The following RERE variants were observed in gnomAD, a reference collection of about 807,000 sequenced individuals.
The protein encoded by RERE is arginine-glutamic acid dipeptide repeats, also known as arginine-glutamic acid dipeptide repeats protein.
RERE carries 40 observed loss-of-function variants against 146.1 expected under a neutral mutation model. The ratio of observed to expected loss-of-function variants is 0.27; its 90% CI spans 0.21 to 0.36. RERE has a LOEUF of 0.36. RERE is among the 10% of genes least tolerant of loss of function. The pLI, the probability that RERE is intolerant of heterozygous loss-of-function variation, is 1.00. For synonymous variants in RERE, 1,003 were observed against 866.0 expected (o/e 1.16, Z -2.78); for missense variants, 1,933 against 2,138.7 (o/e 0.90, Z 1.90).
chr1:8,417,196 A>C (rs1419535334), intron 12 of RERE, among the ~76,000 whole-genome samples: 2 of 152,212 alleles, frequency 1.3e-5, no homozygotes, highest in African/African-American at 4.8e-5. Context: ...CATATTGAAT[A>C]CTAGAATCAT....
chr1:8,598,903 A>G (rs894300528), intron 4 of RERE, among the ~76,000 whole-genome samples: 5 of 152,212 alleles, frequency 3.3e-5, no homozygotes, highest in Non-Finnish European at 5.9e-5. Flanking sequence ...ATGTAAATAT[A>G]CCACAGCACT....
chr1:8,757,090 C>CAAA lies in RERE; in HGVS notation c.-145+60067_-145+60069dup, dbSNP rs34237128. ...GGGCAACAAGAGCAAAACTCCATCT[C>CAAA]AAAAAAAAAAAAAAAAAAAAAGCAA... On this transcript the variant is annotated intron_variant, in intron 1 of 22. Coordinates refer to ENST00000400908, the MANE Select transcript of RERE (RefSeq NM_001042681.2). Among the ~76,000 whole-genome samples the CAAA allele has an allele frequency of 3.6e-3, 213 of 59,446 alleles. 2 individuals carry two copies. Among genetic ancestry groups the CAAA allele is most frequent in the African/African-American group, 0.013 (194 of 14,766 alleles). 39.0% of individuals were successfully genotyped at this position (59,446 alleles called of 152,430 possible).
intron 4 of RERE, among the ~76,000 whole-genome samples, chr1:8,565,947 GAGAA>G (rs1646147539): frequency 6.6e-6 from 1 of 152,138 alleles, no homozygotes; most frequent in African/African-American, 2.4e-5. Context: ...CTCTTCTCAG[GAGAA>G]AGAAAGGACT....
At chr1:8,507,544 G>A (rs1645269198) in intron 8 of RERE, among the ~76,000 whole-genome samples, 1 of 151,774 alleles carries the variant, frequency 6.6e-6, no homozygotes, top group Non-Finnish European at 1.5e-5. Flanking sequence ...GAGTAGCTGG[G>A]ATTACATGCG....
chr1:8,472,854 CTT>C (rs201311211), intron 10 of RERE, among the ~76,000 whole-genome samples: 1 of 142,126 alleles, frequency 7.0e-6, no homozygotes. Flanking sequence ...GGCAGTGGTG[CTT>C]TTTTTTTTTT....
Position 8,406,357 on chromosome 1 carries a change from T to C in RERE, c.1284+16370A>G, listed in dbSNP as rs533820711. ...AGAAGTGCTAAGATTATAGGCATGA[T>C]GCTGTCCCCAGTCAGATTAATATTT... On this transcript the variant is annotated intron_variant, in intron 12 of 22. Coordinates refer to ENST00000400908, the MANE Select transcript of RERE (RefSeq NM_001042681.2). Among the ~76,000 whole-genome samples the C allele has an allele frequency of 2.6e-5, 4 of 152,216 alleles. No homozygotes were observed. The South Asian group carries it at 8.3e-4, about 32-fold the overall frequency.
chr1:8,636,365 T>G (rs1263056747), intron 2 of RERE, among the ~76,000 whole-genome samples: 1 of 152,100 alleles, frequency 6.6e-6, no homozygotes, highest in Admixed American at 6.5e-5. Flanking sequence ...ATATTTATTC[T>G]CCCCTTCTTC....
At chr1:8,529,791 G>A (rs886949881) in intron 7 of RERE, among the ~76,000 whole-genome samples, 1 of 152,152 alleles carries the variant, frequency 6.6e-6, no homozygotes, top group African/African-American at 2.4e-5. Context: ...ATCTCAAGGA[G>A]TCTTGAAACC....
chr1:8,538,888 C>T (rs533597930), intron 7 of RERE, among the ~76,000 whole-genome samples: 1 of 152,170 alleles, frequency 6.6e-6, no homozygotes, highest in Admixed American at 6.5e-5. Context: ...TAAAACAAAC[C>T]CGATGGGATG....
At chr1:8,481,270 C>G (rs1346154371) in intron 10 of RERE, among the ~76,000 whole-genome samples, 1 of 152,156 alleles carries the variant, frequency 6.6e-6, no homozygotes, top group African/African-American at 2.4e-5. Flanking sequence ...GAGCATACCA[C>G]CATGCCCAGC....
At chr1:8,530,180 T>A (rs1645624651) in intron 7 of RERE, among the ~76,000 whole-genome samples, 1 of 152,174 alleles carries the variant, frequency 6.6e-6, no homozygotes, top group Non-Finnish European at 1.5e-5. Context: ...AATCTCTGGA[T>A]CCCAGACATC....
intron 1 of RERE, among the ~76,000 whole-genome samples, chr1:8,780,588 G>A (rs1458432457): frequency 6.6e-6 from 1 of 152,130 alleles, no homozygotes; most frequent in Non-Finnish European, 1.5e-5. Flanking sequence ...AAAAGGACCA[G>A]AAAATAAAGT....
chr1:8,726,147 C>CTTTT (rs70985511), intron 1 of RERE, among the ~76,000 whole-genome samples: 1,133 of 68,876 alleles, frequency 0.016, no homozygotes, highest in Middle Eastern at 0.078. Flanking sequence ...TTTTTCTTTT[C>CTTTT]TTTTTTTTTT....
chr1:8,595,261 C>T (rs1382003860), intron 4 of RERE, among the ~76,000 whole-genome samples: 1 of 150,886 alleles, frequency 6.6e-6, no homozygotes, highest in African/African-American at 2.4e-5. Flanking sequence ...TGGGTATCAA[C>T]CATTTTATTT....
intron 7 of RERE, among the ~76,000 whole-genome samples, chr1:8,524,849 C>T (rs1478081300): frequency 6.6e-6 from 1 of 152,160 alleles, no homozygotes; most frequent in East Asian, 1.9e-4. Flanking sequence ...GTCTGGCTAT[C>T]AAGCAGTGGG....
At chr1:8,461,801 G>A (rs1644530268) in intron 11 of RERE, among the ~76,000 whole-genome samples, 1 of 152,108 alleles carries the variant, frequency 6.6e-6, no homozygotes, top group African/African-American at 2.4e-5. Flanking sequence ...GGAAGAACAA[G>A]AAGAAAGAGT....
rs758196542 is a variant in RERE, at chr1:8,495,125, A to G, written c.1042T>C (p.Ser348Pro). ...GCTGCGACACAGCCGTCCTCTGTAG[A>G]GCCTCCATCACACATTCCTGCAAAT... ...AAFAGMCDGG[S>P]TEDGCVAASR... The change falls in exon 10 of 23, where the codon TCT (serine) becomes CCT (proline). Residue 348 changes from serine (S) to proline (P), a missense_variant. This residue lies in a region of RERE where 260 missense variants were observed against 378.4 expected (regional missense o/e 0.69). Coordinates refer to ENST00000400908, the MANE Select transcript of RERE (RefSeq NM_001042681.2). 1.2e-6 allele frequency: 2 copies of G among 1,613,894 alleles called. No homozygotes were observed. Among genetic ancestry groups the G allele is most frequent in the Admixed American group, 1.7e-5 (1 of 59,992 alleles).
chr1:8,735,985 G>A (rs1309685988), intron 1 of RERE, among the ~76,000 whole-genome samples: 2 of 152,094 alleles, frequency 1.3e-5, no homozygotes, highest in Non-Finnish European at 2.9e-5. Context: ...CTCCTATATT[G>A]TTTGTAGCCT....
intron 12 of RERE, among the ~76,000 whole-genome samples, chr1:8,414,252 T>A (rs1241008569): frequency 6.6e-6 from 1 of 151,586 alleles, no homozygotes; most frequent in Non-Finnish European, 1.5e-5. Flanking sequence ...ATAGTTTAGA[T>A]ATTTCAATAG....
Sources: gnomAD v4.1 joint callset for allele counts (sites outside exome capture counted in the v4.1 genomes callset) on GRCh38, gnomAD v4.1.1 for gene constraint, gnomAD v4.1.1 regional missense constraint, MANE v1.5 for transcripts, NCBI Gene and HGNC (gene_info 2026-07-23, HGNC 2026-07-21) for gene names.